CENPE: variants seen among roughly 807,000 people sequenced by gnomAD.
CENPE encodes the protein centromere protein E.
CENPE carries 145 observed loss-of-function variants against 336.1 expected under a neutral mutation model. That is an observed-to-expected ratio of 0.43 (90% CI 0.38 to 0.50). CENPE has a LOEUF of 0.50. Ranked by LOEUF, CENPE falls within the 20% of genes least tolerant of loss-of-function variation. The pLI is 0.00. For synonymous variants in CENPE, 1,013 were observed against 984.8 expected, an observed-to-expected ratio of 1.03 and a Z score of -0.54; for missense variants, 2,719 against 3,023.3, an observed-to-expected ratio of 0.90 and a Z score of 2.36.
At position 103,144,544 on chromosome 4, in the gene CENPE, A is replaced by C; in HGVS notation, c.4932T>G (p.Cys1644Trp). 2 of 1,613,458 alleles carry C rather than the reference A, an allele frequency of 1.2e-6. No individual in the cohort carries two copies. Among genetic ancestry groups the C allele is most frequent in the Non-Finnish European group, 8.5e-7 (1 of 1,179,518 alleles). The stretch of plus-strand genomic sequence containing the variant: ...ATTGCTCCTTCAAGTGTTCTATTTC[A>C]CACATTTTCTCCTGAGTCTCATTGA... ...TAVNETQEKM[C>W]EIEHLKEQFE... The change falls in exon 33 of 49, where the codon TGT becomes TGG. Residue 1644 changes from cysteine to tryptophan, a missense_variant. Physicochemically the swap from Cys to Trp is radical, Grantham distance 215. Transcript: ENST00000265148.
chr4:103,116,082 C>G (rs910648195), intron 45 of CENPE, among the ~76,000 whole-genome samples: 2 of 152,074 alleles, frequency 1.3e-5, no homozygotes, highest in African/African-American at 4.8e-5. Flanking sequence ...AGAATTTAGG[C>G]ATGCTGTTAT....
intron 48 of CENPE, 36 bp downstream of exon 48, chr4:103,108,767 C>T: frequency 6.3e-7 from 1 of 1,577,104 alleles, no homozygotes; most frequent in Non-Finnish European, 8.6e-7. Context: ...CCAACTGTTA[C>T]CCTCTGATTT....
intron 42 of CENPE, among the ~76,000 whole-genome samples, chr4:103,124,614 A>G (rs764357823): frequency 1.3e-5 from 2 of 152,236 alleles, no homozygotes; most frequent in African/African-American, 4.8e-5. Context: ...ATTAATCTGA[A>G]TATCTTGTAT....
chr4:103,163,152 G>T lies in CENPE; in HGVS notation c.1827C>A (p.Asp609Glu), dbSNP rs755305823. 2 of 1,608,148 alleles carry T rather than the reference G, an allele frequency of 1.2e-6. No individual in the cohort carries two copies. The highest frequency in any genetic ancestry group is 1.7e-6 in the Non-Finnish European group (2 of 1,177,570). The change falls in exon 18 of 49, where the codon GAC becomes GAA. Residue 609 changes from aspartate (D) to glutamate (E), a missense_variant. Coordinates refer to ENST00000265148, the MANE Select transcript of CENPE (RefSeq NM_001813.3). Reference sequence around the variant, plus strand: ...TGATTTTTACCAATGAGTATGACAAGTCCATTTTTATATTTTCTAGCTTTT... The same window carrying T: ...TGATTTTTACCAATGAGTATGACAATTCCATTTTTATATTTTCTAGCTTTT... ...DSQKLENIKM[D>E]LSYSLESIED...
intron 34 of CENPE, 33 bp from the exon 35 acceptor site, chr4:103,141,941 C>T (rs1166301345): frequency 1.5e-6 from 2 of 1,322,160 alleles, no homozygotes; most frequent in African/African-American, 3.0e-5. Context: ...AAAACAGTGA[C>T]ATATCTTAAT....
chr4:103,160,416 C>T (rs916146997), intron 21 of CENPE, among the ~76,000 whole-genome samples: 1 of 151,786 alleles, frequency 6.6e-6, no homozygotes, highest in African/African-American at 2.4e-5. Flanking sequence ...CTGTTAAATA[C>T]ACCTTGAAAA....
At chr4:103,130,519 C>T (rs1341023027) in intron 42 of CENPE, among the ~76,000 whole-genome samples, 1 of 151,918 alleles carries the variant, frequency 6.6e-6, no homozygotes, top group South Asian at 2.1e-4. Flanking sequence ...ATAAAAGAAT[C>T]AAATAAATGG....
chr4:103,141,385 C>T (rs1752545633), intron 35 of CENPE, among the ~76,000 whole-genome samples: 1 of 152,142 alleles, frequency 6.6e-6, no homozygotes, highest in Non-Finnish European at 1.5e-5. Context: ...CTGTGTGCTC[C>T]TTCCTAGAGA....
intron 42 of CENPE, 46 bp from the exon 43 acceptor site, chr4:103,123,135 T>C (rs775531324): frequency 1.5e-6 from 2 of 1,353,902 alleles, no homozygotes; most frequent in Admixed American, 3.4e-5. Context: ...CGATTTATAG[T>C]AGTCCCCACT....
At position 103,126,164 on chromosome 4, in the gene CENPE, C is replaced by T. The variant is rs921213382; in HGVS notation, c.6925-3075G>A. Among the ~76,000 whole-genome samples, 8 of 152,232 alleles carry T rather than the reference C, an allele frequency of 5.3e-5. No homozygotes were observed. The South Asian group carries it at 1.4e-3, about 28-fold the overall frequency. Reference sequence around the variant, plus strand: ...ACCTAGTCATACAGTGGCCGCCACACTTTTGTATTTTACCTTCAGGAGCTC... The same window carrying T: ...ACCTAGTCATACAGTGGCCGCCACATTTTTGTATTTTACCTTCAGGAGCTC... On this transcript the variant is annotated intron_variant, in intron 42 of 48. Coordinates refer to ENST00000265148, the MANE Select transcript of CENPE (RefSeq NM_001813.3).
At chr4:103,141,129 G>GT (rs745451056) in intron 35 of CENPE, 25 bp from the exon 36 acceptor site, 1 of 1,376,330 alleles carries the variant, frequency 7.3e-7, no homozygotes, top group South Asian at 1.4e-5. Context: ...AAAATAATAT[G>GT]TTAGGTGGCT....
At chr4:103,150,507 C>G (rs1359652073) in intron 26 of CENPE, among the ~76,000 whole-genome samples, 1 of 151,812 alleles carries the variant, frequency 6.6e-6, no homozygotes, top group Non-Finnish European at 1.5e-5. Flanking sequence ...AGCCTGAACC[C>G]AGGGGGGGTT....
In CENPE at chr4:103,163,468, T is replaced by A; in HGVS notation, c.1722+11A>T. 2 of 1,572,230 alleles carry A rather than the reference T, an allele frequency of 1.3e-6. No individual in the cohort carries two copies. Among genetic ancestry groups the A allele is most frequent in the Middle Eastern group, 2.1e-4 (1 of 4,818 alleles). On this transcript the variant is annotated intron_variant, in intron 17 of 48. Coordinates refer to ENST00000265148, the MANE Select transcript of CENPE (RefSeq NM_001813.3). ...TTGCTTATCAATAGAAATACCAACA[T>A]GAATGCTCACCTCAAGATCTTGATT...
At chr4:103,149,429 T>A in intron 26 of CENPE, 21 bp from the exon 27 acceptor site, 1 of 1,531,296 alleles carries the variant, frequency 6.5e-7, no homozygotes. Context: ...ACAATTTTTA[T>A]AATTACCATT....
chr4:103,117,645 T>TA (rs1553923922), intron 44 of CENPE, among the ~76,000 whole-genome samples: 1 of 148,528 alleles, frequency 6.7e-6, no homozygotes. Context: ...TTTTTTTTTT[T>TA]AAGACAGAGT....
chr4:103,192,539 G>C (rs1012057316), intron 8 of CENPE, among the ~76,000 whole-genome samples: 2 of 152,186 alleles, frequency 1.3e-5, no homozygotes, highest in African/African-American at 4.8e-5. Context: ...ATTCAAGAGA[G>C]ATGAGAAAGT....
intron 8 of CENPE, among the ~76,000 whole-genome samples, chr4:103,191,663 G>C (rs113747075): frequency 7.2e-5 from 10 of 139,290 alleles, no homozygotes; most frequent in African/African-American, 2.6e-4. Flanking sequence ...TGGGGGGAGG[G>C]GGGGATAGCA....
chr4:103,114,870 G>A (rs1749939855), intron 45 of CENPE, among the ~76,000 whole-genome samples: 1 of 152,104 alleles, frequency 6.6e-6, no homozygotes, highest in Non-Finnish European at 1.5e-5. Context: ...TTTTTACCAT[G>A]GGGTCCTAGA....
At chr4:103,138,862 TAAAC>T (rs1295746973) in intron 38 of CENPE, among the ~76,000 whole-genome samples, 7 of 152,048 alleles carry the variant, frequency 4.6e-5, no homozygotes, top group Admixed American at 3.3e-4. Flanking sequence ...AATAAATAAA[TAAAC>T]AACCAGGAAA....
Sources: gnomAD v4.1 joint callset for allele counts (sites outside exome capture counted in the v4.1 genomes callset) on GRCh38, gnomAD v4.1.1 for gene constraint, MANE v1.5 for transcripts, NCBI Gene and HGNC (gene_info 2026-07-23, HGNC 2026-07-21) for gene names.